ITPK1: variants seen among roughly 807,000 people sequenced by gnomAD.
ITPK1 encodes inositol-tetrakisphosphate 1-kinase.
A neutral mutation model predicts 45.3 loss-of-function variants in ITPK1; 21 were observed. The ratio of observed to expected loss-of-function variants is 0.46; its 90% CI spans 0.33 to 0.67. The LOEUF is 0.67. ITPK1 is among the 30% of genes least tolerant of loss of function. The pLI, the probability that ITPK1 is intolerant of heterozygous loss-of-function variation, is 0.02. For synonymous variants in ITPK1, 258 were observed against 253.6 expected (o/e 1.02, Z -0.16); for missense variants, 474 against 573.5 (o/e 0.83, Z 1.77).
At chr14:93,064,630 G>A (rs945176340) in intron 3 of ITPK1, among the ~76,000 whole-genome samples, 3 of 152,138 alleles carry the variant, frequency 2.0e-5, no homozygotes, top group Non-Finnish European at 2.9e-5. Context: ...CCAGCAAGCC[G>A]GGATCTCCTT....
chr14:93,017,540 C>CA (rs1437150958), intron 3 of ITPK1, among the ~76,000 whole-genome samples: 1 of 152,264 alleles, frequency 6.6e-6, no homozygotes, highest in Non-Finnish European at 1.5e-5. Context: ...GACCCCAAGA[C>CA]AGGAGCACCT....
chr14:93,104,598 C>T (rs544792517), intron 2 of ITPK1, among the ~76,000 whole-genome samples: 67 of 152,282 alleles, frequency 4.4e-4, no homozygotes, highest in Non-Finnish European at 7.6e-4. Context: ...GAGGGTGAAT[C>T]CAAGCTGTGC....
intron 3 of ITPK1, among the ~76,000 whole-genome samples, chr14:93,021,169 T>C (rs1032100179): frequency 6.6e-6 from 1 of 152,080 alleles, no homozygotes; most frequent in African/African-American, 2.4e-5. Flanking sequence ...GACTTATTCC[T>C]CTGCCCTCTC....
At chr14:93,108,833 C>T (rs1442716918) in intron 2 of ITPK1, among the ~76,000 whole-genome samples, 3 of 152,150 alleles carry the variant, frequency 2.0e-5, no homozygotes, top group Admixed American at 6.5e-5. Context: ...GCCAAGATGG[C>T]GAAACCCAGT....
intron 3 of ITPK1, among the ~76,000 whole-genome samples, chr14:93,074,494 C>A (rs527800259): frequency 2.6e-5 from 4 of 152,216 alleles, no homozygotes; most frequent in African/African-American, 9.7e-5. Flanking sequence ...TTTGAGGTCG[C>A]GTATGGACAG....
rs1477355605 is a variant in ITPK1 at position 92,941,401 on chromosome 14, C to T, written c.*160G>A. 1.4e-6 allele frequency: 2 copies of T among 1,419,588 alleles called. No homozygotes were observed. Among genetic ancestry groups the T allele is most frequent in the Non-Finnish European group, 1.8e-6 (2 of 1,094,418 alleles). 87.9% of individuals were successfully genotyped at this position (1,419,588 alleles called of 1,614,324 possible). On this transcript the variant is annotated 3_prime_UTR_variant, in exon 11 of 11. Coordinates refer to ENST00000267615, the MANE Select transcript of ITPK1 (RefSeq NM_014216.6). ...GGTACTCTCTTCCATCCCCCACTAC[C>T]CCTCATTTAGATCATGACATCAGAG...
intron 2 of ITPK1, among the ~76,000 whole-genome samples, chr14:93,101,948 CAT>C (rs1388077026): frequency 6.6e-6 from 1 of 152,204 alleles, no homozygotes; most frequent in Non-Finnish European, 1.5e-5. Context: ...CGCTCAGCAC[CAT>C]GTCAGGCATG....
chr14:93,004,951 C>T (rs1364680636), intron 4 of ITPK1, among the ~76,000 whole-genome samples: 2 of 151,998 alleles, frequency 1.3e-5, no homozygotes, highest in African/African-American at 2.4e-5. Context: ...CTGCTGGGGG[C>T]CTGGCAGGGC....
intron 9 of ITPK1, among the ~76,000 whole-genome samples, chr14:92,949,737 G>A (rs562387968): frequency 7.9e-5 from 12 of 152,364 alleles, no homozygotes; most frequent in African/African-American, 2.6e-4. Context: ...CCCATGGCAC[G>A]CCATTTACAA....
intron 5 of ITPK1, among the ~76,000 whole-genome samples, chr14:92,963,256 A>G (rs1885184652): frequency 6.6e-6 from 1 of 152,218 alleles, no homozygotes; most frequent in African/African-American, 2.4e-5. Flanking sequence ...CTGGTTCAAT[A>G]AAGACTTTCC....
rs1887322171 is a variant in ITPK1 at position 92,940,708 on chromosome 14, A to T, written c.*853T>A. 3.1e-6 allele frequency: 4 copies of T among 1,288,140 alleles called. No homozygotes were observed. The highest frequency in any genetic ancestry group is 4.0e-6 in the Non-Finnish European group (4 of 988,344). The allele number at this position is 1,288,140 out of a possible 1,614,324, so 79.8% of individuals were successfully genotyped here. A position where few individuals can be genotyped will look rare whatever the true frequency, so the allele number is the denominator to read the frequency against. ...TGGTGCTCTCTGATCTCAAATGTCC[A>T]CTAGAGACAAGGGGGTGGAGGCCCA... is the stretch of plus-strand genomic sequence containing the variant. On this transcript the variant is annotated 3_prime_UTR_variant, in exon 11 of 11. Transcript: ENST00000267615.
intron 2 of ITPK1, among the ~76,000 whole-genome samples, chr14:93,099,699 A>G (rs1892234617): frequency 6.6e-6 from 1 of 152,174 alleles, no homozygotes; most frequent in Non-Finnish European, 1.5e-5. Flanking sequence ...CCATGCAGCC[A>G]CAGCCACAGG....
chr14:93,077,305 C>T (rs1891265575), intron 2 of ITPK1, among the ~76,000 whole-genome samples: 1 of 152,090 alleles, frequency 6.6e-6, no homozygotes, highest in African/African-American at 2.4e-5. Context: ...TGACTCCTAC[C>T]CTTCTCTTCC....
In ITPK1 at chr14:93,032,796, C is replaced by T. The variant is rs531262670; in HGVS notation, c.121-15995G>A. ...TTGCTGGGACTCACGAAGGGGCCAT[C>T]GCACTCTGCAGACTGCAGCGTACTC... On this transcript the variant is annotated intron_variant, in intron 3 of 10. Coordinates refer to ENST00000267615, the MANE Select transcript of ITPK1 (RefSeq NM_014216.6). The surrounding 1 kb of genome is among the most constrained non-coding windows in gnomAD (Gnocchi z 4.0). 5.3e-5 allele frequency among the ~76,000 whole-genome samples: 8 copies of T among 152,364 alleles called. No individual in the cohort carries two copies. The highest frequency in any genetic ancestry group is 1.9e-4 in the East Asian group (1 of 5,182).
At position 92,956,017 on chromosome 14, in the gene ITPK1, T is replaced by A. The variant is rs1595084396; in HGVS notation, c.670+2184A>T. ...TAGAGATGGGGACACAGAATCAGCT[T>A]TGGGGATGGAGAGACACACTAACAG... On this transcript the variant is annotated intron_variant, in intron 8 of 10. Transcript: ENST00000267615. Among the ~76,000 whole-genome samples, 3 of 152,146 alleles carry A rather than the reference T, an allele frequency of 2.0e-5. No homozygotes were observed. The East Asian group carries it at 5.8e-4, about 29-fold the overall frequency.
chr14:93,087,743 G>C (rs1891704404), intron 2 of ITPK1, among the ~76,000 whole-genome samples: 1 of 152,210 alleles, frequency 6.6e-6, no homozygotes, highest in South Asian at 2.1e-4. Context: ...AGGCAGGAAT[G>C]AATGAGGACC....
rs973942505 is a variant in ITPK1, at chr14:93,012,240, C to T, written c.246+4436G>A. Among the ~76,000 whole-genome samples the T allele has an allele frequency of 6.6e-6, 1 of 152,196 alleles. No homozygotes were observed. The highest frequency in any genetic ancestry group is 2.4e-5 in the African/African-American group (1 of 41,452). On this transcript the variant is annotated intron_variant, in intron 4 of 10. Coordinates refer to ENST00000267615, the MANE Select transcript of ITPK1 (RefSeq NM_014216.6). The surrounding 1 kb of genome is among the most constrained non-coding windows in gnomAD (Gnocchi z 4.9). ...ATCCCTGCCGCAGTGAAGGGACAGA[C>T]AATAGCCACTGATAAAGAATTACGA...
At position 93,012,086 on chromosome 14, in the gene ITPK1, C is replaced by A. The variant is rs1352862451; in HGVS notation, c.246+4590G>T. 1.3e-5 allele frequency among the ~76,000 whole-genome samples: 2 copies of A among 152,200 alleles called. No homozygotes were observed. The highest frequency in any genetic ancestry group is 4.8e-5 in the African/African-American group (2 of 41,462). On this transcript the variant is annotated intron_variant, in intron 4 of 10. Transcript: ENST00000267615. The surrounding 1 kb of genome is among the most constrained non-coding windows in gnomAD (Gnocchi z 4.9). ...AGCCCAGCAGAGCCACGTCCTCCCT[C>A]CGCAAGGCCATCAGGGCACCCCATG... is the stretch of plus-strand genomic sequence containing the variant.
chr14:92,962,202 G>T (rs1757977738), intron 7 of ITPK1, among the ~76,000 whole-genome samples, 153 bp downstream of exon 7: 1 of 152,214 alleles, frequency 6.6e-6, no homozygotes, highest in Non-Finnish European at 1.5e-5. Flanking sequence ...TTCCTCTGGA[G>T]TCCAGGGAAG....
Sources: allele counts gnomAD v4.1 joint callset (sites outside exome capture counted in the v4.1 genomes callset), GRCh38; gene constraint gnomAD v4.1.1; non-coding constraint Gnocchi (gnomAD v3.1); transcripts MANE v1.5; gene names NCBI Gene and HGNC (gene_info 2026-07-23, HGNC 2026-07-21).